Variants in KCNA7 observed in about 807,000 individuals in gnomAD.
KCNA7 encodes potassium channel, voltage gated shaker related subfamily A, member 7.
In KCNA7, 15 loss-of-function variants were observed where a neutral mutation model predicts 21.5. The observed-to-expected ratio is 0.70, with a 90% confidence interval of 0.47 to 1.07. The LOEUF is 1.07. Ranked by LOEUF, KCNA7 falls within the 50% of genes least tolerant of loss-of-function variation. The pLI, the probability that KCNA7 is intolerant of heterozygous loss-of-function variation, is 0.00. For missense variants in KCNA7, 640 were observed against 651.6 expected (o/e 0.98, Z 0.19); for synonymous variants, 298 against 291.0 (o/e 1.02, Z -0.24).
Position 49,069,316 on chromosome 19 carries a change from A to T in KCNA7, c.*747T>A, listed in dbSNP as rs1360805827. 2 of 152,220 alleles carry T rather than the reference A, an allele frequency of 1.3e-5. No homozygotes were observed. The highest frequency in any genetic ancestry group is 2.9e-5 in the Non-Finnish European group (2 of 68,060). 9.4% of individuals were successfully genotyped at this position (152,220 alleles called of 1,614,324 possible). On this transcript the variant is annotated 3_prime_UTR_variant, in exon 2 of 2. Transcript: ENST00000221444. ...CAACTGAACTGGCCTTACAAGGCTC[A>T]TATGGTTGTACAATTCAACACAACT...
At position 49,067,620 on chromosome 19, in the gene KCNA7, C is replaced by A. The variant is rs1274626662; in HGVS notation, c.*2443G>T. ...ATGAGGCTACGGGACTCAGGAGGAC[C>A]CGTGTGTCCCAGCAGGCTGATGGGG... is the stretch of plus-strand genomic sequence containing the variant. On this transcript the variant is annotated 3_prime_UTR_variant, in exon 2 of 2. Transcript: ENST00000221444. 6.6e-6 allele frequency: 1 copy of A among 152,152 alleles called. No homozygotes were observed. Among genetic ancestry groups the A allele is most frequent in the Non-Finnish European group, 1.5e-5 (1 of 68,034 alleles). The allele number at this position is 152,152 out of a possible 1,614,324, so 9.4% of individuals were successfully genotyped here.
Position 49,069,922 on chromosome 19 carries a change from C to A in KCNA7, c.*141G>T. ...CCAAACCACACAACCCAAGACCCAACAAGACTCAGTGTTTCCCCACTCGTT... is the reference window on the plus strand; with the variant it reads ...CCAAACCACACAACCCAAGACCCAAAAAGACTCAGTGTTTCCCCACTCGTT... On this transcript the variant is annotated 3_prime_UTR_variant, in exon 2 of 2. Coordinates refer to ENST00000221444, the MANE Select transcript of KCNA7 (RefSeq NM_031886.3). 1 of 658,828 alleles carries A rather than the reference C, an allele frequency of 1.5e-6. No homozygotes were observed. The highest frequency in any genetic ancestry group is 2.6e-6 in the Non-Finnish European group (1 of 387,090). 40.8% of individuals were successfully genotyped at this position (658,828 alleles called of 1,614,324 possible). A position where few individuals can be genotyped will look rare whatever the true frequency, so the allele number is the denominator to read the frequency against.
chr19:49,071,286 G>T (rs910430945), intron 1 of KCNA7, among the ~76,000 whole-genome samples: 1 of 152,060 alleles, frequency 6.6e-6, no homozygotes, highest in African/African-American at 2.4e-5. Flanking sequence ...GGCTGGGCGC[G>T]GTGGCTCACG....
chr19:49,071,204 C>T (rs1401783238), intron 1 of KCNA7, among the ~76,000 whole-genome samples: 1 of 152,120 alleles, frequency 6.6e-6, no homozygotes, highest in Non-Finnish European at 1.5e-5. Flanking sequence ...TGGGGAGCAT[C>T]CCTGCCCTGG....
Position 49,072,691 on chromosome 19 carries a change from C to G in KCNA7, c.-106G>C. ...CGGCCGCCGCCGCCGCCGCCCCAGC[C>G]CGGTGTCCGGTGTCCGGTGTCCGCG... On this transcript the variant is annotated 5_prime_UTR_variant, in exon 1 of 2. Coordinates refer to ENST00000221444, the MANE Select transcript of KCNA7 (RefSeq NM_031886.3). 3.6e-6 allele frequency: 2 copies of G among 552,148 alleles called. No individual in the cohort carries two copies. The highest frequency in any genetic ancestry group is 4.3e-6 in the Non-Finnish European group (2 of 461,712). 34.2% of individuals were successfully genotyped at this position (552,148 alleles called of 1,614,324 possible).
At chr19:49,071,912 C>A in intron 1 of KCNA7, 119 bp downstream of exon 1, 4 of 553,984 alleles carry the variant, frequency 7.2e-6, no homozygotes, top group Non-Finnish European at 6.0e-6. Flanking sequence ...CCCACCCTGT[C>A]TTCGGCTGGC....
chr19:49,070,338 G>T lies in KCNA7; in HGVS notation c.1096C>A (p.Pro366Thr). 1 of 1,614,172 alleles carries T rather than the reference G, an allele frequency of 6.2e-7. No individual in the cohort carries two copies. The change falls in exon 2 of 2, where the codon CCC (proline) becomes ACC (threonine). Residue 366 changes from proline (P) to threonine (T), a missense_variant. Transcript: ENST00000221444. The surrounding 1 kb of genome is among the most constrained non-coding windows in gnomAD (Gnocchi z 4.3). Reference protein sequence around the residue: ...MTTVGYGDMAPVTVGGKIVGS... With the variant: ...MTTVGYGDMATVTVGGKIVGS... ...ACTATCTTGCCACCCACAGTGACGG[G>T]TGCCATGTCTCCATAGCCAACTGTA...
Sources: allele counts gnomAD v4.1 joint callset (sites outside exome capture counted in the v4.1 genomes callset), GRCh38; gene constraint gnomAD v4.1.1; non-coding constraint Gnocchi (gnomAD v3.1); transcripts MANE v1.5; gene names NCBI Gene and HGNC (gene_info 2026-07-23, HGNC 2026-07-21).